Variants in MCC observed in about 807,000 individuals in gnomAD.
MCC encodes colorectal mutant cancer protein.
In MCC, 90 loss-of-function variants were observed where a neutral mutation model predicts 116.2. The observed-to-expected ratio is 0.77, with a 90% CI of 0.65 to 0.92. The LOEUF (loss-of-function observed/expected upper bound fraction) is 0.92. Among genes scored for constraint, MCC ranks in the 40% least tolerant of loss-of-function variants. The pLI is 0.00. For synonymous variants in MCC, 578 were observed against 510.5 expected (o/e 1.13, Z -1.78); for missense variants, 1,516 against 1,312.2 (o/e 1.16, Z -2.40).
chr5:113,467,014 C>A (rs1026556972), intron 1 of MCC, among the ~76,000 whole-genome samples: 1 of 151,742 alleles, frequency 6.6e-6, no homozygotes, highest in Non-Finnish European at 1.5e-5. Context: ...ATCCTTTGCC[C>A]ACTTTTTGAT....
intron 3 of MCC, among the ~76,000 whole-genome samples, chr5:113,177,351 T>C (rs1237828008): frequency 2.0e-5 from 3 of 152,206 alleles, no homozygotes; most frequent in African/African-American, 7.2e-5. Flanking sequence ...CATTGACTAG[T>C]TCCTCTAACA....
At chr5:113,224,213 G>C (rs145897570) in intron 3 of MCC, among the ~76,000 whole-genome samples, 2,252 of 152,176 alleles carry the variant, frequency 0.015, 51 homozygotes, top group African/African-American at 0.047. Context: ...TCCTGCCTCA[G>C]CCTTCCGAGT....
intron 2 of MCC, among the ~76,000 whole-genome samples, chr5:113,355,630 G>A (rs552394123): frequency 1.3e-5 from 2 of 152,214 alleles, no homozygotes; most frequent in Admixed American, 6.5e-5. Flanking sequence ...GGGTTCTGGC[G>A]AGGGCTGTAT....
chr5:113,440,576 TAAA>T (rs1771006935), intron 1 of MCC, among the ~76,000 whole-genome samples: 1 of 146,382 alleles, frequency 6.8e-6, no homozygotes, highest in East Asian at 2.0e-4. Flanking sequence ...AATAAGAAAG[TAAA>T]GAAGAAACGG....
rs545883962 is a variant in MCC, at chr5:113,083,013, A to C, written c.1636-5T>G. The C allele has an allele frequency of 2.7e-5, 43 of 1,608,940 alleles. No homozygotes were observed. The highest frequency in any genetic ancestry group is 1.3e-4 in the African/African-American group (10 of 74,744). ...TTCAGCCACACTGCTGGATACCTGCAAAAAGAAGCATTAATTCCCCTTTGG... is the reference window on the plus strand; with the variant it reads ...TTCAGCCACACTGCTGGATACCTGCCAAAAGAAGCATTAATTCCCCTTTGG... On this transcript the variant is annotated splice_polypyrimidine_tract_variant and splice_region_variant and intron_variant, in intron 10 of 18. Transcript: ENST00000408903.
intron 2 of MCC, among the ~76,000 whole-genome samples, chr5:113,367,198 GA>G (rs1422439783): frequency 6.6e-6 from 1 of 151,866 alleles, no homozygotes; most frequent in African/African-American, 2.4e-5. Flanking sequence ...TGTAAATAAT[GA>G]ATATGCAAAT....
intron 3 of MCC, among the ~76,000 whole-genome samples, chr5:113,313,853 C>G (rs1446304074): frequency 1.3e-5 from 2 of 152,002 alleles, no homozygotes; most frequent in African/African-American, 4.8e-5. Flanking sequence ...CAGAGTCTTG[C>G]TCTGTTGCCC....
chr5:113,289,537 C>T (rs536407593), intron 3 of MCC, among the ~76,000 whole-genome samples: 1 of 152,188 alleles, frequency 6.6e-6, no homozygotes, highest in African/African-American at 2.4e-5. Context: ...AGAAATGATC[C>T]TGTGCCCGTT....
At chr5:113,037,414 C>T (rs1039443976) in intron 17 of MCC, among the ~76,000 whole-genome samples, 9 of 152,136 alleles carry the variant, frequency 5.9e-5, no homozygotes, top group African/African-American at 1.7e-4. Context: ...TAGTCAGGGC[C>T]GGGCACAGTG....
chr5:113,345,232 A>C (rs1228274531), intron 2 of MCC, among the ~76,000 whole-genome samples: 1 of 152,086 alleles, frequency 6.6e-6, no homozygotes, highest in African/African-American at 2.4e-5. Flanking sequence ...GAGGGCCAGC[A>C]TAGCCATATT....
intron 1 of MCC, among the ~76,000 whole-genome samples, chr5:113,487,681 T>C (rs528333367): frequency 6.6e-6 from 1 of 152,350 alleles, no homozygotes; most frequent in Admixed American, 6.5e-5. Flanking sequence ...TGCGTTTAAA[T>C]CAATACTGGG....
chr5:113,240,298 G>T (rs1453630642), intron 3 of MCC, among the ~76,000 whole-genome samples: 1 of 151,988 alleles, frequency 6.6e-6, no homozygotes, highest in African/African-American at 2.4e-5. Context: ...TCTAGCCATG[G>T]GTAAGTCACT....
chr5:113,385,157 T>A lies in MCC; in HGVS notation c.226A>T (p.Ile76Phe), dbSNP rs769723395. The A allele has an allele frequency of 1.7e-5, 28 of 1,614,076 alleles. No individual in the cohort carries two copies. The highest frequency in any genetic ancestry group is 2.1e-5 in the Non-Finnish European group (25 of 1,180,042). The change falls in exon 2 of 19, where the codon ATC becomes TTC. Residue 76 changes from isoleucine (I) to phenylalanine (F), a missense_variant. Transcript: ENST00000408903. ...TCATCTGCTCCCAACTGGTTCATGA[T>A]CTCAGCCACAGACTCTTCCATATTC... The part of the protein sequence containing the change: ...QLNMEESVAE[I>F]MNQLGADENG...
At chr5:113,147,687 G>C (rs140894572) in intron 4 of MCC, among the ~76,000 whole-genome samples, 2 of 152,106 alleles carry the variant, frequency 1.3e-5, no homozygotes, top group Admixed American at 6.6e-5. Flanking sequence ...AGGTTCGCTC[G>C]CTAAGGGGAA....
intron 5 of MCC, among the ~76,000 whole-genome samples, chr5:113,132,067 T>G (rs924301354): frequency 2.5e-4 from 38 of 150,888 alleles, no homozygotes; most frequent in Non-Finnish European, 7.4e-5. Flanking sequence ...CCATGATTTA[T>G]AGTGTGGGAT....
intron 1 of MCC, among the ~76,000 whole-genome samples, chr5:113,472,717 C>G (rs886138821): frequency 6.6e-6 from 1 of 152,144 alleles, no homozygotes; most frequent in African/African-American, 2.4e-5. Context: ...GGAGCTTTAA[C>G]TAATTTACAA....
intron 3 of MCC, among the ~76,000 whole-genome samples, chr5:113,251,674 A>T (rs144484006): frequency 9.5e-4 from 144 of 152,334 alleles, no homozygotes; most frequent in Middle Eastern, 3.4e-3. Flanking sequence ...AAAAAAGGCG[A>T]TAAATTCAGA....
At chr5:113,076,853 C>A (rs1005838860) in intron 11 of MCC, among the ~76,000 whole-genome samples, 20 of 152,170 alleles carry the variant, frequency 1.3e-4, no homozygotes, top group African/African-American at 1.9e-4. Flanking sequence ...TTAAAAGACA[C>A]AGACTGGCAA....
chr5:113,483,524 T>TTATTTTTGTA (rs1772433764), intron 1 of MCC, among the ~76,000 whole-genome samples: 1 of 152,246 alleles, frequency 6.6e-6, no homozygotes, highest in African/African-American at 2.4e-5. Flanking sequence ...CATTTTGATC[T>TTATTTTTGTA]TATTTTTGTA....
Sources: allele counts gnomAD v4.1 joint callset (sites outside exome capture counted in the v4.1 genomes callset), GRCh38; gene constraint gnomAD v4.1.1; transcripts MANE v1.5; gene names NCBI Gene and HGNC (gene_info 2026-07-23, HGNC 2026-07-21).